The following NFATC3 variants were observed in gnomAD, a reference collection of about 807,000 sequenced individuals.
The protein encoded by NFATC3 is nuclear factor of activated T cells 3.
A neutral mutation model predicts 98.6 loss-of-function variants in NFATC3; 46 were observed. The observed-to-expected ratio is 0.47, with a 90% CI of 0.37 to 0.60. The LOEUF is 0.60. NFATC3 is among the 20% of genes least tolerant of loss of function. NFATC3 has a pLI of 0.00. For synonymous variants in NFATC3, 512 were observed against 472.2 expected, an observed-to-expected ratio of 1.08 and a Z score of -1.09; for missense variants, 1,256 against 1,295.5, an observed-to-expected ratio of 0.97 and a Z score of 0.47.
intron 3 of NFATC3, among the ~76,000 whole-genome samples, chr16:68,133,233 C>A (rs2151522579): frequency 6.6e-6 from 1 of 152,292 alleles, no homozygotes; most frequent in South Asian, 2.1e-4. Flanking sequence ...CCACTGCACT[C>A]CAGCCTGGGC....
At chr16:68,157,843 T>C in intron 3 of NFATC3, 26 bp from the exon 4 acceptor site, 1 of 1,593,084 alleles carries the variant, frequency 6.3e-7, no homozygotes, top group East Asian at 2.2e-5. Context: ...GAATTGTGCT[T>C]TTCTGTGTTT....
chr16:68,193,273 G>C (rs1040081339), intron 9 of NFATC3, among the ~76,000 whole-genome samples: 5 of 151,948 alleles, frequency 3.3e-5, no homozygotes, highest in African/African-American at 1.2e-4. Flanking sequence ...GGTATGGGGG[G>C]GTTGTATGGT....
intron 9 of NFATC3, among the ~76,000 whole-genome samples, chr16:68,197,287 A>C (rs1430418012): frequency 6.6e-6 from 1 of 151,780 alleles, no homozygotes; most frequent in Non-Finnish European, 1.5e-5. Flanking sequence ...ACTTTATTTC[A>C]TTTTATTATT....
At position 68,086,662 on chromosome 16, in the gene NFATC3, A is replaced by G. The variant is rs1160161566; in HGVS notation, c.103+878A>G. On this transcript the variant is annotated intron_variant, in intron 1 of 9. Coordinates refer to ENST00000346183, the MANE Select transcript of NFATC3 (RefSeq NM_173165.3). ...CATACGAACTTCAAAAAGGAAATGGATAAGAGTAATCCCTATTTTTTCTTG... is the reference window on the plus strand; with the variant it reads ...CATACGAACTTCAAAAAGGAAATGGGTAAGAGTAATCCCTATTTTTTCTTG... The G allele has an allele frequency of 5.1e-6, 5 of 985,344 alleles. No individual in the cohort carries two copies. The East Asian group carries it at 4.5e-4, about 89-fold the overall frequency. The allele number at this position is 985,344 out of a possible 1,614,324, so 61.0% of individuals were successfully genotyped here.
intron 1 of NFATC3, among the ~76,000 whole-genome samples, chr16:68,108,291 A>G (rs183076615): frequency 9.2e-5 from 14 of 152,314 alleles, no homozygotes; most frequent in Non-Finnish European, 2.1e-4. Context: ...AGTTTTCTGC[A>G]TATGGCTAGC....
intron 1 of NFATC3, among the ~76,000 whole-genome samples, chr16:68,102,489 C>T (rs141987907): frequency 2.7e-4 from 40 of 150,728 alleles, no homozygotes; most frequent in African/African-American, 9.5e-4. Flanking sequence ...GAAGGCATTG[C>T]TCTCCATTTT....
intron 9 of NFATC3, among the ~76,000 whole-genome samples, chr16:68,193,351 A>C (rs2040527101): frequency 6.6e-6 from 1 of 152,126 alleles, no homozygotes. Context: ...CAACCAAATC[A>C]TGCATGCTCA....
At chr16:68,146,826 G>A (rs1221739259) in intron 3 of NFATC3, among the ~76,000 whole-genome samples, 4 of 152,238 alleles carry the variant, frequency 2.6e-5, no homozygotes, top group African/African-American at 9.6e-5. Context: ...ACTTTCTTCT[G>A]CGAAGCAGAG....
chr16:68,152,401 A>G (rs1393780463), intron 3 of NFATC3, among the ~76,000 whole-genome samples: 1 of 137,832 alleles, frequency 7.3e-6, no homozygotes, highest in Non-Finnish European at 1.6e-5. Context: ...AAAAAAAAAA[A>G]GTACCATTCT....
chr16:68,182,336 A>G (rs1284795793), intron 7 of NFATC3, among the ~76,000 whole-genome samples: 3 of 152,230 alleles, frequency 2.0e-5, no homozygotes, highest in Non-Finnish European at 4.4e-5. Flanking sequence ...GAGACAGAGC[A>G]TTTTCTGGGC....
chr16:68,163,515 C>T (rs1468276122), intron 4 of NFATC3, among the ~76,000 whole-genome samples: 11 of 151,720 alleles, frequency 7.3e-5, no homozygotes, highest in Non-Finnish European at 1.0e-4. Context: ...ACTTCCCTCC[C>T]GGACGGGGCG....
chr16:68,205,030 T>G (rs772777843), intron 9 of NFATC3, among the ~76,000 whole-genome samples: 3 of 150,586 alleles, frequency 2.0e-5, no homozygotes, highest in South Asian at 4.3e-4. Context: ...TTCCAAAGCC[T>G]ACAGTTAGTG....
intron 1 of NFATC3, among the ~76,000 whole-genome samples, chr16:68,107,350 A>G (rs2151474684): frequency 6.6e-6 from 1 of 152,306 alleles, no homozygotes; most frequent in African/African-American, 2.4e-5. Context: ...TGTTTGAACT[A>G]ATTTACATCC....
chr16:68,218,448 T>C (rs1034539250), intron 9 of NFATC3, among the ~76,000 whole-genome samples: 2 of 137,026 alleles, frequency 1.5e-5, no homozygotes, highest in South Asian at 4.6e-4. Context: ...TTTGGTGCTG[T>C]GCAGGTTGCA....
intron 8 of NFATC3, among the ~76,000 whole-genome samples, chr16:68,190,049 A>C (rs974255582): frequency 6.6e-6 from 1 of 152,256 alleles, no homozygotes; most frequent in Non-Finnish European, 1.5e-5. Flanking sequence ...CCAAAAACAA[A>C]AAAAAGAAAT....
intron 1 of NFATC3, among the ~76,000 whole-genome samples, chr16:68,114,585 T>C (rs2036168444): frequency 6.6e-6 from 1 of 151,702 alleles, no homozygotes; most frequent in Non-Finnish European, 1.5e-5. Flanking sequence ...ACTTTTTTTT[T>C]TTTTTTTTGA....
In NFATC3 at chr16:68,193,247, C is replaced by T. The variant is rs144126774; in HGVS notation, c.3106+1472C>T. Among the ~76,000 whole-genome samples the T allele has an allele frequency of 3.6e-4, 55 of 152,068 alleles. No individual in the cohort carries two copies. In the East Asian group the frequency reaches 0.01, roughly 28 times the overall value. On this transcript the variant is annotated intron_variant, in intron 9 of 9. Coordinates refer to ENST00000346183, the MANE Select transcript of NFATC3 (RefSeq NM_173165.3). ...TACACTGTTTTATATAAGGGACTTGCGCATTCATGGATTTTGGTATGGGGG... is the reference window on the plus strand; with the variant it reads ...TACACTGTTTTATATAAGGGACTTGTGCATTCATGGATTTTGGTATGGGGG...
chr16:68,106,158 C>T (rs2035642771), intron 1 of NFATC3, among the ~76,000 whole-genome samples: 1 of 152,136 alleles, frequency 6.6e-6, no homozygotes, highest in Admixed American at 6.6e-5. Flanking sequence ...GTGTGAGCCG[C>T]CGCACCCGAT....
intron 3 of NFATC3, chr16:68,138,434 C>T: frequency 9.4e-7 from 1 of 1,063,198 alleles, no homozygotes; most frequent in South Asian, 1.6e-5. Context: ...AACTAATAAT[C>T]CCCAATTCTC....
Sources: allele counts gnomAD v4.1 joint callset (sites outside exome capture counted in the v4.1 genomes callset), GRCh38; gene constraint gnomAD v4.1.1; transcripts MANE v1.5; gene names NCBI Gene and HGNC (gene_info 2026-07-23, HGNC 2026-07-21).